Variants in RPRD1A observed in about 807,000 individuals in gnomAD.
RPRD1A encodes regulation of nuclear pre-mRNA domain-containing protein 1A.
RPRD1A carries 9 observed loss-of-function variants against 37.8 expected under a neutral mutation model. The observed-to-expected ratio is 0.24, with a 90% CI of 0.14 to 0.42. The LOEUF is 0.42. Among genes scored for constraint, RPRD1A ranks in the 10% least tolerant of loss-of-function variants. RPRD1A has a pLI of 1.00. For missense variants in RPRD1A, 255 were observed against 371.0 expected (o/e 0.69, Z 2.57); for synonymous variants, 138 against 139.7 (o/e 0.99, Z 0.08).
At chr18:36,013,511 C>T (rs2144212630) in intron 6 of RPRD1A, among the ~76,000 whole-genome samples, 1 of 151,944 alleles carries the variant, frequency 6.6e-6, no homozygotes, top group East Asian at 1.9e-4. Flanking sequence ...AATGAAAGAC[C>T]AATATCCGAG....
chr18:36,030,786 T>C, intron 4 of RPRD1A, 22 bp downstream of exon 4: 2 of 1,482,170 alleles, frequency 1.3e-6, no homozygotes, highest in Non-Finnish European at 1.9e-6. Flanking sequence ...TTGTAACTCT[T>C]TTAACAGGGT....
rs570358074 is a variant in RPRD1A, at chr18:36,048,903, G to T, written c.152-15066C>A. ...CCCCAAGGAATTTATGAAAAAAAAC[G>T]TTTACAGCTAATAAGTGCATTCAGC... is the stretch of plus-strand genomic sequence containing the variant. On this transcript the variant is annotated intron_variant, in intron 1 of 6. Coordinates refer to ENST00000399022, the MANE Select transcript of RPRD1A (RefSeq NM_018170.5). 1.3e-3 allele frequency among the ~76,000 whole-genome samples: 202 copies of T among 152,270 alleles called. 1 individual carries two copies. The highest frequency in any genetic ancestry group is 4.6e-3 in the African/African-American group (193 of 41,576).
At chr18:36,060,393 C>T (rs1419963736) in intron 1 of RPRD1A, among the ~76,000 whole-genome samples, 1 of 151,958 alleles carries the variant, frequency 6.6e-6, no homozygotes, top group African/African-American at 2.4e-5. Context: ...GAGATCGCGC[C>T]ACTGCACTCC....
intron 6 of RPRD1A, among the ~76,000 whole-genome samples, chr18:36,006,326 G>A (rs1450418208): frequency 6.6e-6 from 1 of 152,126 alleles, no homozygotes; most frequent in African/African-American, 2.4e-5. Context: ...TTACAGGCAT[G>A]TGCCACCATG....
rs1002620154 is a variant in RPRD1A, at chr18:36,005,329, T to C, written c.790-12029A>G. 2.0e-5 allele frequency among the ~76,000 whole-genome samples: 3 copies of C among 152,064 alleles called. No homozygotes were observed. The South Asian group carries it at 6.2e-4, about 31-fold the overall frequency. The stretch of plus-strand genomic sequence containing the variant: ...AAAAATAAAATAAAAAAAAACTGCA[T>C]ATTTGCAACTATTTAAAACAAAAAA... On this transcript the variant is annotated intron_variant, in intron 6 of 6. Transcript: ENST00000399022.
At chr18:36,061,279 G>C (rs561668338) in intron 1 of RPRD1A, among the ~76,000 whole-genome samples, 39 of 152,282 alleles carry the variant, frequency 2.6e-4, no homozygotes, top group Admixed American at 7.8e-4. Flanking sequence ...GGGATAAACT[G>C]TTTTCCCTTT....
intron 1 of RPRD1A, among the ~76,000 whole-genome samples, chr18:36,036,427 T>C (rs1038369773): frequency 6.6e-6 from 1 of 152,144 alleles, no homozygotes; most frequent in African/African-American, 2.4e-5. Context: ...GAATTCAGAA[T>C]TGCTTTTACA....
intron 1 of RPRD1A, among the ~76,000 whole-genome samples, chr18:36,064,799 A>G (rs1423975713): frequency 6.6e-6 from 1 of 152,156 alleles, no homozygotes; most frequent in Admixed American, 6.5e-5. Context: ...CACTCTTCAC[A>G]ATAAATCTTG....
At chr18:36,025,654 TA>T in intron 6 of RPRD1A, 1 of 1,288,858 alleles carries the variant, frequency 7.8e-7, no homozygotes, top group Non-Finnish European at 1.0e-6. Context: ...ACGACATCGT[TA>T]GAAGATACGC....
chr18:35,990,675 A>G lies in RPRD1A; in HGVS notation c.*2476T>C, dbSNP rs1250152715. ...CACCATGCTTTTCTCTTGAGGGGTC[A>G]GACCAAACTGCACTCAAAGATGCAT... On this transcript the variant is annotated 3_prime_UTR_variant, in exon 7 of 7. Transcript: ENST00000399022. 6.6e-6 allele frequency: 1 copy of G among 152,242 alleles called. No homozygotes were observed. Among genetic ancestry groups the G allele is most frequent in the African/African-American group, 2.4e-5 (1 of 41,454 alleles). The allele number at this position is 152,242 out of a possible 1,614,324, so 9.4% of individuals were successfully genotyped here.
At chr18:36,000,968 TTA>T (rs1909379650) in intron 6 of RPRD1A, among the ~76,000 whole-genome samples, 1 of 152,186 alleles carries the variant, frequency 6.6e-6, no homozygotes, top group Non-Finnish European at 1.5e-5. Context: ...GGACAACTAG[TTA>T]TGTTCCTAAA....
chr18:36,067,266 C>A lies in RPRD1A; in HGVS notation c.139G>T (p.Glu47Ter). ...GCGGTTGACTCACCTTTCCGCAGCT[C>A]CCGCTCCCACACGGTGACGATGGGA... ...SRPIVTVWER[E>*]LRKAKPNRKL... is the part of the protein sequence containing the mutation. Residue 47 changes from glutamate (E) to a stop codon, truncating the protein, a stop_gained, in exon 1 of 7, where the codon GAG (glutamate) becomes TAG (stop). Transcript: ENST00000399022. LOFTEE classifies it high-confidence loss of function. The A allele has an allele frequency of 6.3e-7, 1 of 1,591,452 alleles. No individual in the cohort carries two copies.
intron 6 of RPRD1A, 23 bp from the exon 7 acceptor site, chr18:35,993,323 T>G (rs200161943): frequency 9.9e-6 from 16 of 1,613,112 alleles, no homozygotes; most frequent in Non-Finnish European, 1.4e-5. Flanking sequence ...ACCACTTTCA[T>G]TAGCATTCAG....
intron 1 of RPRD1A, among the ~76,000 whole-genome samples, chr18:36,054,730 C>G (rs2144394672): frequency 6.6e-6 from 1 of 152,142 alleles, no homozygotes; most frequent in East Asian, 1.9e-4. Context: ...TGGAGTAGTT[C>G]CAGTCCAAGT....
intron 1 of RPRD1A, among the ~76,000 whole-genome samples, chr18:36,059,328 T>C (rs551261304): frequency 2.6e-5 from 4 of 152,024 alleles, no homozygotes; most frequent in Non-Finnish European, 5.9e-5. Flanking sequence ...AGTACTGACA[T>C]GGTTTTGCCA....
Position 35,991,040 on chromosome 18 carries a change from C to G in RPRD1A, c.*2111G>C, listed in dbSNP as rs1047698059. 6.6e-6 allele frequency: 1 copy of G among 152,114 alleles called. No homozygotes were observed. Among genetic ancestry groups the G allele is most frequent in the Non-Finnish European group, 1.5e-5 (1 of 68,032 alleles). The allele number at this position is 152,114 out of a possible 1,614,324, so 9.4% of individuals were successfully genotyped here. ...TTATCATAAATATTTAGAGCAGATA[C>G]TGGCATTAAAATCAGTATCTAAGTC... On this transcript the variant is annotated 3_prime_UTR_variant, in exon 7 of 7. Transcript: ENST00000399022.
intron 6 of RPRD1A, among the ~76,000 whole-genome samples, chr18:36,009,190 T>C (rs1910012556): frequency 6.6e-6 from 1 of 152,176 alleles, no homozygotes; most frequent in South Asian, 2.1e-4. Flanking sequence ...AATAACCTAC[T>C]TGGGCCGTCA....
intron 6 of RPRD1A, among the ~76,000 whole-genome samples, chr18:36,012,949 C>G (rs1366800950): frequency 6.6e-6 from 1 of 152,164 alleles, no homozygotes; most frequent in African/African-American, 2.4e-5. Context: ...AGTCATCACT[C>G]CAAATCATTT....
intron 2 of RPRD1A, among the ~76,000 whole-genome samples, chr18:36,032,511 A>T (rs1365266630): frequency 6.6e-6 from 1 of 152,202 alleles, no homozygotes; most frequent in Non-Finnish European, 1.5e-5. Context: ...TTCATCTCTA[A>T]AACAAATGGG....
Sources: gnomAD v4.1 joint callset for allele counts (sites outside exome capture counted in the v4.1 genomes callset) on GRCh38, gnomAD v4.1.1 for gene constraint, MANE v1.5 for transcripts, NCBI Gene and HGNC (gene_info 2026-07-23, HGNC 2026-07-21) for gene names.